The following KITLG variants were observed in gnomAD, a reference collection of about 807,000 sequenced individuals.
KITLG encodes c-Kit ligand.
A neutral mutation model predicts 34.1 loss-of-function variants in KITLG; 13 were observed. That is an observed-to-expected ratio of 0.38 (90% CI 0.25 to 0.61). KITLG has a LOEUF of 0.61. Ranked by LOEUF, KITLG falls within the 20% of genes least tolerant of loss-of-function variation. The probability of loss-of-function intolerance (pLI) is 0.60; values close to 1 mark genes in which losing one functional copy is unlikely to be tolerated. For missense variants in KITLG, 292 were observed against 318.9 expected (o/e 0.92, Z 0.64); for synonymous variants, 110 against 104.0 (o/e 1.06, Z -0.35).
chr12:88,531,157 T>A (rs969787682), intron 3 of KITLG, among the ~76,000 whole-genome samples: 2 of 152,202 alleles, frequency 1.3e-5, no homozygotes, highest in Admixed American at 1.3e-4. Flanking sequence ...CATAAAATTA[T>A]TAAATATTCA....
At position 88,495,159 on chromosome 12, in the gene KITLG, C is replaced by T. The variant is rs980258011; in HGVS notation, c.*2060G>A. The T allele has an allele frequency of 5.9e-5, 9 of 151,926 alleles. No individual in the cohort carries two copies. Among genetic ancestry groups the T allele is most frequent in the Non-Finnish European group, 1.2e-4 (8 of 67,926 alleles). The allele number at this position is 151,926 out of a possible 1,614,324, so 9.4% of individuals were successfully genotyped here. On this transcript the variant is annotated 3_prime_UTR_variant, in exon 10 of 10. Transcript: ENST00000644744. ...GACCATGTCCATGAGTGTTAAAACCCAGCTACTAGGTTTGAGGACAAAAGT... is the reference window on the plus strand; with the variant it reads ...GACCATGTCCATGAGTGTTAAAACCTAGCTACTAGGTTTGAGGACAAAAGT...
intron 1 of KITLG, among the ~76,000 whole-genome samples, chr12:88,559,046 CCT>C (rs901200844): frequency 1.3e-5 from 2 of 152,046 alleles, no homozygotes; most frequent in Non-Finnish European, 2.9e-5. Flanking sequence ...CCAAACACCC[CCT>C]GTTCCCCAAT....
At chr12:88,535,846 A>G (rs1460388438) in intron 2 of KITLG, among the ~76,000 whole-genome samples, 1 of 152,180 alleles carries the variant, frequency 6.6e-6, no homozygotes, top group Non-Finnish European at 1.5e-5. Context: ...CTGGCTAGCT[A>G]TATGCAGAAG....
intron 1 of KITLG, among the ~76,000 whole-genome samples, chr12:88,578,051 G>T (rs1359437104): frequency 6.6e-6 from 1 of 151,984 alleles, no homozygotes; most frequent in Non-Finnish European, 1.5e-5. Context: ...CAGAACAATC[G>T]ATCCTATTTC....
chr12:88,501,510 C>A (rs1048278787), intron 9 of KITLG, among the ~76,000 whole-genome samples: 2 of 152,174 alleles, frequency 1.3e-5, no homozygotes, highest in Non-Finnish European at 2.9e-5. Context: ...CCCAGACCTT[C>A]CCTCTACTAC....
chr12:88,504,885 C>G (rs1047621596), intron 9 of KITLG, among the ~76,000 whole-genome samples: 6 of 149,198 alleles, frequency 4.0e-5, no homozygotes, highest in African/African-American at 1.2e-4. Context: ...AAACCAAACA[C>G]TGCGTGTTCT....
In KITLG at chr12:88,493,192, T is replaced by C. The variant is rs1278277372; in HGVS notation, c.*4027A>G. ...ATTGGAAAATTATATTTAGTGAGTA[T>C]TGTAGCTCAGAGATCAAGTACTGGA... On this transcript the variant is annotated 3_prime_UTR_variant, in exon 10 of 10. Coordinates refer to ENST00000644744, the MANE Select transcript of KITLG (RefSeq NM_000899.5). 1 of 152,344 alleles carries C rather than the reference T, an allele frequency of 6.6e-6. No homozygotes were observed. Among genetic ancestry groups the C allele is most frequent in the East Asian group, 1.9e-4 (1 of 5,196 alleles). The allele number at this position is 152,344 out of a possible 1,614,324, so 9.4% of individuals were successfully genotyped here.
At chr12:88,559,353 C>A (rs1476967681) in intron 1 of KITLG, among the ~76,000 whole-genome samples, 1 of 152,186 alleles carries the variant, frequency 6.6e-6, no homozygotes, top group Admixed American at 6.5e-5. Context: ...TTAGTTGGTA[C>A]TGCGGGCAGC....
chr12:88,531,608 A>G (rs1329033785), intron 3 of KITLG, among the ~76,000 whole-genome samples: 1 of 152,104 alleles, frequency 6.6e-6, no homozygotes, highest in African/African-American at 2.4e-5. Flanking sequence ...CACTTGTTGT[A>G]AGGTTCTAAG....
chr12:88,538,012 T>G (rs979464873), intron 2 of KITLG, among the ~76,000 whole-genome samples: 1 of 152,302 alleles, frequency 6.6e-6, no homozygotes, highest in East Asian at 1.9e-4. Context: ...AATTTTTACA[T>G]GTGTCACATG....
At chr12:88,510,918 G>A (rs1869252883) in intron 6 of KITLG, among the ~76,000 whole-genome samples, 1 of 152,062 alleles carries the variant, frequency 6.6e-6, no homozygotes, top group Non-Finnish European at 1.5e-5. Context: ...GATACATATT[G>A]TATACTGTAC....
At chr12:88,520,420 A>G (rs1247038961) in intron 3 of KITLG, among the ~76,000 whole-genome samples, 1 of 152,220 alleles carries the variant, frequency 6.6e-6, no homozygotes, top group East Asian at 1.9e-4. Context: ...AACACAGCAT[A>G]CACTGTAAAT....
chr12:88,537,009 T>A (rs1392229497), intron 2 of KITLG, among the ~76,000 whole-genome samples: 1 of 152,008 alleles, frequency 6.6e-6, no homozygotes, highest in Non-Finnish European at 1.5e-5. Context: ...AAACAACAGA[T>A]GCTGGTGTGG....
chr12:88,539,222 T>A (rs1221613796), intron 2 of KITLG, among the ~76,000 whole-genome samples: 1 of 152,146 alleles, frequency 6.6e-6, no homozygotes, highest in Non-Finnish European at 1.5e-5. Context: ...ACCTTGGACA[T>A]CTTTGCAAGA....
intron 1 of KITLG, among the ~76,000 whole-genome samples, chr12:88,574,376 G>C (rs1203622563): frequency 6.6e-6 from 1 of 152,146 alleles, no homozygotes; most frequent in Non-Finnish European, 1.5e-5. Context: ...AGGTAAGCAA[G>C]CACTGTTCCA....
In KITLG at chr12:88,545,824, A is replaced by C; in HGVS notation, c.57T>G (p.Phe19Leu). ...TCCCTTCAGTTTTGACGAGAGGATT[A>C]AATAGGAGCAGCTGAAGATAAATGC... ...LTCIYLQLLL[F>L]NPLVKTEGIC... Residue 19 changes from phenylalanine to leucine, a missense_variant, in exon 2 of 10, where the codon TTT becomes TTG. Physicochemically the swap from Phe to Leu is conservative, Grantham distance 22 (BLOSUM62 0). Around this residue, in one of 2 missense-constraint regions of KITLG, gnomAD observed 152 missense variants for 207.9 expected, o/e 0.73. Transcript: ENST00000644744. 6.2e-7 allele frequency: 1 copy of C among 1,612,782 alleles called. No homozygotes were observed. Among genetic ancestry groups the C allele is most frequent in the Non-Finnish European group, 8.5e-7 (1 of 1,178,864 alleles).
chr12:88,518,614 G>A, intron 4 of KITLG, 83 bp downstream of exon 4: 2 of 998,116 alleles, frequency 2.0e-6, no homozygotes, highest in Non-Finnish European at 3.2e-6. Flanking sequence ...AAATAAAGGT[G>A]CCTCATTTTC....
At chr12:88,501,728 G>T (rs1868864988) in intron 9 of KITLG, among the ~76,000 whole-genome samples, 1 of 152,024 alleles carries the variant, frequency 6.6e-6, no homozygotes, top group African/African-American at 2.4e-5. Context: ...CTCAGCATTT[G>T]AATTCTTATG....
intron 1 of KITLG, among the ~76,000 whole-genome samples, chr12:88,546,818 A>C (rs987357971): frequency 6.6e-6 from 1 of 152,228 alleles, no homozygotes; most frequent in Non-Finnish European, 1.5e-5. Context: ...GATGTTGAAG[A>C]TGCCCTTGAA....
Sources: gnomAD v4.1 joint callset for allele counts (sites outside exome capture counted in the v4.1 genomes callset) on GRCh38, gnomAD v4.1.1 for gene constraint, gnomAD v4.1.1 regional missense constraint, MANE v1.5 for transcripts, NCBI Gene and HGNC (gene_info 2026-07-23, HGNC 2026-07-21) for gene names.